The following ATXN10 variants were observed in gnomAD, a reference collection of about 807,000 sequenced individuals.
ATXN10 encodes the protein ataxin-10.
ATXN10 carries 28 observed loss-of-function variants against 52.9 expected under a neutral mutation model. That is an observed-to-expected ratio of 0.53 (90% CI 0.39 to 0.73). The LOEUF (loss-of-function observed/expected upper bound fraction) is 0.73, where lower values mean the gene tolerates loss of function less well. Ranked by LOEUF, ATXN10 falls within the 30% of genes least tolerant of loss-of-function variation. The pLI is 0.00. For synonymous variants in ATXN10, 226 were observed against 221.5 expected (o/e 1.02, Z -0.18); for missense variants, 565 against 577.0 (o/e 0.98, Z 0.21).
rs1011445267 is a variant in ATXN10, at chr22:45,825,321, C to T, written c.1238-17670C>T. Reference sequence around the variant, plus strand: ...AGGCCAGCACCCTTTTTCCCTCTTCCCTTTATTTTTCTTTTGCATCTTTTG... The same window carrying T: ...AGGCCAGCACCCTTTTTCCCTCTTCTCTTTATTTTTCTTTTGCATCTTTTG... On this transcript the variant is annotated intron_variant, in intron 10 of 11. Transcript: ENST00000252934. The surrounding 1 kb of genome is among the most constrained non-coding windows in gnomAD (Gnocchi z 4.5). Among the ~76,000 whole-genome samples, 2 of 152,122 alleles carry T rather than the reference C, an allele frequency of 1.3e-5. No homozygotes were observed. Among genetic ancestry groups the T allele is most frequent in the African/African-American group, 4.8e-5 (2 of 41,408 alleles).
chr22:45,695,028 A>G (rs1166588005), intron 3 of ATXN10, among the ~76,000 whole-genome samples: 1 of 150,696 alleles, frequency 6.6e-6, no homozygotes, highest in Admixed American at 6.6e-5. Flanking sequence ...ACTAAATTAT[A>G]GGTTAAATTT....
At chr22:45,687,724 G>A (rs190997439) in intron 1 of ATXN10, among the ~76,000 whole-genome samples, 12 of 152,288 alleles carry the variant, frequency 7.9e-5, no homozygotes, top group Admixed American at 7.2e-4. Context: ...TAGCTGATGA[G>A]TGTCTACAAT....
At position 45,843,655 on chromosome 22, in the gene ATXN10, T is replaced by C. The variant is rs778596135; in HGVS notation, c.1426-14T>C. 10 of 1,611,614 alleles carry C rather than the reference T, an allele frequency of 6.2e-6. No individual in the cohort carries two copies. Among genetic ancestry groups the C allele is most frequent in the Non-Finnish European group, 8.5e-6 (10 of 1,178,342 alleles). On this transcript the variant is annotated splice_polypyrimidine_tract_variant and intron_variant, in intron 11 of 11. Coordinates refer to ENST00000252934, the MANE Select transcript of ATXN10 (RefSeq NM_013236.4). This position sits in a 1 kb window ranked among gnomAD's most constrained non-coding sequence, Gnocchi z 4.5. ...TTGCTACATCTGCAATTTTGTTTCT[T>C]TCTTCTTCTTTAGTGAATGAACTAC...
At chr22:45,716,887 T>A (rs1323990529) in intron 5 of ATXN10, among the ~76,000 whole-genome samples, 1 of 152,132 alleles carries the variant, frequency 6.6e-6, no homozygotes, top group Non-Finnish European at 1.5e-5. Flanking sequence ...TATGAAAGAA[T>A]GTGTAGTTAT....
At position 45,705,450 on chromosome 22, in the gene ATXN10, T is replaced by C. The variant is rs201385951; in HGVS notation, c.647+2603T>C. ...TTGTTACAGGTCTTGGTTTTTTTTTTTGAGACGGAGTCTCACTCTGTTGCC... is the reference window on the plus strand; with the variant it reads ...TTGTTACAGGTCTTGGTTTTTTTTTCTGAGACGGAGTCTCACTCTGTTGCC... On this transcript the variant is annotated intron_variant, in intron 5 of 11. Coordinates refer to ENST00000252934, the MANE Select transcript of ATXN10 (RefSeq NM_013236.4). This position sits in a 1 kb window ranked among gnomAD's most constrained non-coding sequence, Gnocchi z 5.2. 2.6e-5 allele frequency among the ~76,000 whole-genome samples: 4 copies of C among 152,110 alleles called. No homozygotes were observed. Among genetic ancestry groups the C allele is most frequent in the African/African-American group, 7.2e-5 (3 of 41,408 alleles).
rs770143885 is a variant in ATXN10 at position 45,843,706 on chromosome 22, C to T, written c.*35C>T. On this transcript the variant is annotated 3_prime_UTR_variant, in exon 12 of 12. Coordinates refer to ENST00000252934, the MANE Select transcript of ATXN10 (RefSeq NM_013236.4). The surrounding 1 kb of genome is among the most constrained non-coding windows in gnomAD (Gnocchi z 4.5). ...ATCCAAATACCTGAATTTTTGGAAT[C>T]TGTTTCATGGATTTTTCATCTTCTA... The T allele has an allele frequency of 6.2e-7, 1 of 1,602,074 alleles. No individual in the cohort carries two copies. Among genetic ancestry groups the T allele is most frequent in the African/African-American group, 1.3e-5 (1 of 74,780 alleles).
In ATXN10 at chr22:45,795,364, T is replaced by C. The variant is rs867374081; in HGVS notation, c.1174-11595T>C. Among the ~76,000 whole-genome samples the C allele has an allele frequency of 1.0e-5, 1 of 100,372 alleles. No homozygotes were observed. The highest frequency in any genetic ancestry group is 2.0e-5 in the Non-Finnish European group (1 of 48,966). 65.8% of individuals were successfully genotyped at this position (100,372 alleles called of 152,430 possible). A position where few individuals can be genotyped will look rare whatever the true frequency, so the allele number is the denominator to read the frequency against. ...AAGACTACTAGAATGGATTCTATTCTATTCTATTCTATTCTATTCTATTCT... is the reference window on the plus strand; with the variant it reads ...AAGACTACTAGAATGGATTCTATTCCATTCTATTCTATTCTATTCTATTCT... On this transcript the variant is annotated intron_variant, in intron 9 of 11. Coordinates refer to ENST00000252934, the MANE Select transcript of ATXN10 (RefSeq NM_013236.4). The surrounding 1 kb of genome is among the most constrained non-coding windows in gnomAD (Gnocchi z 4.6).
chr22:45,836,563 C>T (rs546335849), intron 10 of ATXN10, among the ~76,000 whole-genome samples: 4 of 152,274 alleles, frequency 2.6e-5, no homozygotes, highest in Middle Eastern at 3.4e-3. Flanking sequence ...CTTTTTTCCT[C>T]TCAGTAAGAA....
rs560538376 is a variant in ATXN10 at position 45,825,275 on chromosome 22, G to C, written c.1238-17716G>C. Among the ~76,000 whole-genome samples, 1 of 152,300 alleles carries C rather than the reference G, an allele frequency of 6.6e-6. No homozygotes were observed. Among genetic ancestry groups the C allele is most frequent in the African/African-American group, 2.4e-5 (1 of 41,544 alleles). ...GTAAGTCCTTCCACCTCTGGCTGAAGTGGCTTTCTGGGTATTTAAAAGGCC... is the reference window on the plus strand; with the variant it reads ...GTAAGTCCTTCCACCTCTGGCTGAACTGGCTTTCTGGGTATTTAAAAGGCC... On this transcript the variant is annotated intron_variant, in intron 10 of 11. Transcript: ENST00000252934. This position sits in a 1 kb window ranked among gnomAD's most constrained non-coding sequence, Gnocchi z 4.5.
At chr22:45,694,673 T>C (rs1007372799) in intron 3 of ATXN10, among the ~76,000 whole-genome samples, 1 of 151,934 alleles carries the variant, frequency 6.6e-6, no homozygotes, top group African/African-American at 2.4e-5. Flanking sequence ...TCCCAGCTAC[T>C]CAGGAGGCTG....
rs571347535 is a variant in ATXN10 at position 45,785,170 on chromosome 22, C to G, written c.1174-21789C>G. Among the ~76,000 whole-genome samples, 53 of 152,336 alleles carry G rather than the reference C, an allele frequency of 3.5e-4. 1 individual carries two copies. Among genetic ancestry groups the G allele is most frequent in the Middle Eastern group, 3.4e-3 (1 of 294 alleles). On this transcript the variant is annotated intron_variant, in intron 9 of 11. Coordinates refer to ENST00000252934, the MANE Select transcript of ATXN10 (RefSeq NM_013236.4). ...CCCATCCCTTTCTGGTATTGTTGCT[C>G]TCTCAAGTCATGTCTTGTGGTACTT... is the stretch of plus-strand genomic sequence containing the variant.
intron 10 of ATXN10, among the ~76,000 whole-genome samples, chr22:45,831,392 G>T (rs1928988202): frequency 6.6e-6 from 1 of 151,976 alleles, no homozygotes; most frequent in African/African-American, 2.4e-5. Flanking sequence ...AAATTTTGGA[G>T]AAAAATAAAT....
intron 10 of ATXN10, among the ~76,000 whole-genome samples, chr22:45,838,408 G>A (rs908996921): frequency 1.3e-5 from 2 of 152,180 alleles, no homozygotes; most frequent in African/African-American, 2.4e-5. Flanking sequence ...ATCAAGTCCC[G>A]CTCTAGTGCT....
At chr22:45,799,997 T>C (rs529675490) in intron 9 of ATXN10, among the ~76,000 whole-genome samples, 59 of 152,180 alleles carry the variant, frequency 3.9e-4, no homozygotes, top group Admixed American at 1.4e-3. Context: ...CAAACAAAAA[T>C]TGATTTAAAA....
In ATXN10 at chr22:45,786,334, G is replaced by A. The variant is rs958120673; in HGVS notation, c.1174-20625G>A. On this transcript the variant is annotated intron_variant, in intron 9 of 11. Coordinates refer to ENST00000252934, the MANE Select transcript of ATXN10 (RefSeq NM_013236.4). This position sits in a 1 kb window ranked among gnomAD's most constrained non-coding sequence, Gnocchi z 4.1. ...TATTGAGTTTTGCCATAGAACTGTAGTATCATTCTCTCTGGATTCCTTTCT... is the reference window on the plus strand; with the variant it reads ...TATTGAGTTTTGCCATAGAACTGTAATATCATTCTCTCTGGATTCCTTTCT... 1.3e-5 allele frequency among the ~76,000 whole-genome samples: 2 copies of A among 152,216 alleles called. No individual in the cohort carries two copies. Among genetic ancestry groups the A allele is most frequent in the African/African-American group, 4.8e-5 (2 of 41,460 alleles).
At chr22:45,815,951 A>C (rs569048662) in intron 10 of ATXN10, among the ~76,000 whole-genome samples, 1 of 152,146 alleles carries the variant, frequency 6.6e-6, no homozygotes, top group Non-Finnish European at 1.5e-5. Context: ...GTAACCACTC[A>C]ATAAAATTCA....
intron 1 of ATXN10, among the ~76,000 whole-genome samples, chr22:45,687,131 A>G (rs899243703): frequency 3.3e-5 from 5 of 152,216 alleles, no homozygotes; most frequent in African/African-American, 1.2e-4. Flanking sequence ...GCTCAGTTAA[A>G]TGCTTTTCAT....
rs749761998 is a variant in ATXN10 at position 45,774,573 on chromosome 22, A to C, written c.1174-32386A>C. On this transcript the variant is annotated intron_variant, in intron 9 of 11. Transcript: ENST00000252934. The surrounding 1 kb of genome is among the most constrained non-coding windows in gnomAD (Gnocchi z 6.2). The stretch of plus-strand genomic sequence containing the variant: ...CAGTGTTGTACAGCAAAGGATCCCA[A>C]CTCTAGGAAATCTTCCATGTCAGGT... 5.3e-5 allele frequency among the ~76,000 whole-genome samples: 8 copies of C among 152,218 alleles called. No individual in the cohort carries two copies. The highest frequency in any genetic ancestry group is 6.5e-5 in the Admixed American group (1 of 15,288).
rs764564460 is a variant in ATXN10 at position 45,842,973 on chromosome 22, C to T, written c.1238-18C>T. 1.5e-5 allele frequency: 24 copies of T among 1,613,562 alleles called. 1 individual carries two copies. In the South Asian group the frequency reaches 2.5e-4, roughly 17 times the overall value. ...AAACAGGAAAGTACGTTGTCACATT[C>T]CTTCACTCTGGCTCCAGTTCTGACC... On this transcript the variant is annotated intron_variant, in intron 10 of 11. Transcript: ENST00000252934. The surrounding 1 kb of genome is among the most constrained non-coding windows in gnomAD (Gnocchi z 4.8).
Sources: gnomAD v4.1 joint callset for allele counts (sites outside exome capture counted in the v4.1 genomes callset) on GRCh38, gnomAD v4.1.1 for gene constraint, Gnocchi (gnomAD v3.1) non-coding constraint, MANE v1.5 for transcripts, NCBI Gene and HGNC (gene_info 2026-07-23, HGNC 2026-07-21) for gene names.